The following COPS4 variants were observed in gnomAD, a reference collection of about 807,000 sequenced individuals.
COPS4 encodes COP9 signalosome complex subunit 4.
COPS4 carries 8 observed loss-of-function variants against 55.1 expected under a neutral mutation model. The ratio of observed to expected loss-of-function variants is 0.15; its 90% CI spans 0.09 to 0.26. The LOEUF (loss-of-function observed/expected upper bound fraction) is 0.26, where lower values mean the gene tolerates loss of function less well. COPS4 is among the 10% of genes least tolerant of loss of function. COPS4 has a pLI of 1.00. For synonymous variants in COPS4, 185 were observed against 165.7 expected (o/e 1.12, Z -0.90); for missense variants, 248 against 484.0 (o/e 0.51, Z 4.58).
intron 1 of COPS4, among the ~76,000 whole-genome samples, chr4:83,040,795 A>G (rs1442350105): frequency 1.7e-5 from 2 of 116,876 alleles, no homozygotes; most frequent in Admixed American, 1.1e-4. Context: ...GGGTTGGTCC[A>G]GTCGTTTAGT....
intron 1 of COPS4, among the ~76,000 whole-genome samples, chr4:83,042,521 T>A (rs1446568869): frequency 1.3e-5 from 2 of 151,576 alleles, no homozygotes; most frequent in African/African-American, 2.4e-5. Context: ...TAATTAATTT[T>A]TTTTTTTTTT....
chr4:83,043,234 A>G (rs1019004884), intron 1 of COPS4, among the ~76,000 whole-genome samples: 8 of 152,024 alleles, frequency 5.3e-5, no homozygotes, highest in Admixed American at 2.6e-4. Flanking sequence ...AACTTAGGTT[A>G]GGCCAGGCAC....
intron 6 of COPS4, among the ~76,000 whole-genome samples, chr4:83,058,383 A>G (rs138600585): frequency 6.6e-6 from 1 of 151,808 alleles, no homozygotes; most frequent in East Asian, 1.9e-4. Context: ...ATGCCTGGCT[A>G]ATTTTTTTGT....
At chr4:83,071,346 G>T (rs915832141) in intron 9 of COPS4, among the ~76,000 whole-genome samples, 1 of 152,146 alleles carries the variant, frequency 6.6e-6, no homozygotes, top group Non-Finnish European at 1.5e-5. Flanking sequence ...CATTAATGTT[G>T]CTTGTCTATT....
intron 9 of COPS4, among the ~76,000 whole-genome samples, chr4:83,072,729 T>G (rs760881383): frequency 2.6e-5 from 4 of 152,376 alleles, no homozygotes; most frequent in South Asian, 2.1e-4. Flanking sequence ...TTGTGATCTT[T>G]GACATATCTG....
intron 8 of COPS4, among the ~76,000 whole-genome samples, chr4:83,067,102 C>G (rs781396647): frequency 6.6e-6 from 1 of 151,584 alleles, no homozygotes; most frequent in Non-Finnish European, 1.5e-5. Flanking sequence ...GGGTCTTGTT[C>G]TGTCACCCAG....
intron 9 of COPS4, among the ~76,000 whole-genome samples, chr4:83,072,711 TG>T (rs1433322572): frequency 6.6e-6 from 1 of 152,258 alleles, no homozygotes; most frequent in Non-Finnish European, 1.5e-5. Context: ...ACATCCTTTC[TG>T]ATTAAATTGT....
chr4:83,073,173 A>G (rs745889369), intron 9 of COPS4: 20 of 607,434 alleles, frequency 3.3e-5, no homozygotes, highest in Non-Finnish European at 6.1e-6. Flanking sequence ...CTTGCCCTTT[A>G]AGCAGTTACT....
intron 9 of COPS4, among the ~76,000 whole-genome samples, chr4:83,074,890 A>G (rs191839317): frequency 6.6e-6 from 1 of 152,048 alleles, no homozygotes; most frequent in African/African-American, 2.4e-5. Flanking sequence ...TGGCAGGCCA[A>G]GGCGGGTGGA....
At chr4:83,073,684 G>C (rs1560445962) in intron 9 of COPS4, among the ~76,000 whole-genome samples, 1 of 152,198 alleles carries the variant, frequency 6.6e-6, no homozygotes, top group African/African-American at 2.4e-5. Flanking sequence ...GCTGGGCGTA[G>C]TGGCTCACGC....
intron 4 of COPS4, among the ~76,000 whole-genome samples, chr4:83,052,795 C>T (rs1474249196): frequency 6.6e-6 from 1 of 152,102 alleles, no homozygotes; most frequent in African/African-American, 2.4e-5. Context: ...CCATGTTGCC[C>T]AGGCTGGTCT....
chr4:83,035,900 G>C (rs1251491484), intron 1 of COPS4: 1 of 154,872 alleles, frequency 6.5e-6, no homozygotes, highest in East Asian at 1.9e-4. Flanking sequence ...TCGTGGGTCA[G>C]GATGTCTACA....
At chr4:83,070,766 T>TA (rs1178565790) in intron 9 of COPS4, among the ~76,000 whole-genome samples, 8 of 152,176 alleles carry the variant, frequency 5.3e-5, no homozygotes, top group African/African-American at 1.7e-4. Flanking sequence ...TATTTTCTTT[T>TA]AAAAAATGCA....
intron 7 of COPS4, 83 bp downstream of exon 7, chr4:83,063,329 T>C: frequency 4.4e-6 from 4 of 898,944 alleles, no homozygotes; most frequent in Non-Finnish European, 6.5e-6. Context: ...GAAGTATCTT[T>C]TAATAATAAT....
chr4:83,055,500 G>T (rs1374479263), intron 4 of COPS4, among the ~76,000 whole-genome samples: 2 of 149,678 alleles, frequency 1.3e-5, no homozygotes, highest in African/African-American at 4.9e-5. Context: ...CTGGAGTGCA[G>T]TGGCATGATC....
intron 1 of COPS4, among the ~76,000 whole-genome samples, chr4:83,037,340 T>C (rs1258324623): frequency 1.3e-5 from 2 of 152,148 alleles, no homozygotes; most frequent in Admixed American, 1.3e-4. Flanking sequence ...TACTACTACC[T>C]CTTTAGTGGC....
intron 1 of COPS4, among the ~76,000 whole-genome samples, chr4:83,041,616 C>A (rs13110705): frequency 0.18 from 26,930 of 151,582 alleles, 2,577 homozygotes; most frequent in South Asian, 0.3. Context: ...TACAGTTGTG[C>A]ACCATCACAC....
chr4:83,071,697 G>A (rs1172354879), intron 9 of COPS4, among the ~76,000 whole-genome samples: 2 of 151,742 alleles, frequency 1.3e-5, no homozygotes, highest in African/African-American at 4.8e-5. Flanking sequence ...AGGATTATAG[G>A]TATGAGCTAT....
rs1298912506 is a variant in COPS4, at chr4:83,057,057, A to C, written c.542A>C (p.Glu181Ala). The C allele has an allele frequency of 6.2e-7, 1 of 1,613,912 alleles. No homozygotes were observed. Among genetic ancestry groups the C allele is most frequent in the Non-Finnish European group, 8.5e-7 (1 of 1,179,886 alleles). Residue 181 changes from glutamate to alanine, a missense_variant, in exon 5 of 10, where the codon GAA becomes GCA. Coordinates refer to ENST00000264389, the MANE Select transcript of COPS4 (RefSeq NM_016129.3). ...ASLLQNESTN[E>A]QLQIHYKVCY... is the part of the protein sequence containing the mutation. ...TTGCTTCAGAATGAATCAACCAATGAACAATTACAGATACATTATAAGGTA... is the reference window on the plus strand; with the variant it reads ...TTGCTTCAGAATGAATCAACCAATGCACAATTACAGATACATTATAAGGTA...
Sources: allele counts gnomAD v4.1 joint callset (sites outside exome capture counted in the v4.1 genomes callset), GRCh38; gene constraint gnomAD v4.1.1; transcripts MANE v1.5; gene names NCBI Gene and HGNC (gene_info 2026-07-23, HGNC 2026-07-21).